Variants in TMEM132C observed in about 807,000 individuals in gnomAD.
TMEM132C encodes the protein transmembrane protein 132C.
In TMEM132C, 29 loss-of-function variants were observed where a neutral mutation model predicts 61.4. The observed-to-expected ratio is 0.47, with a 90% CI of 0.35 to 0.64. The LOEUF (loss-of-function observed/expected upper bound fraction) is 0.64. Among genes scored for constraint, TMEM132C ranks in the 30% least tolerant of loss-of-function variants. The pLI is 0.00. For missense variants in TMEM132C, 1,408 were observed against 1,476.9 expected (o/e 0.95, Z 0.76); for synonymous variants, 656 against 633.1 (o/e 1.04, Z -0.54).
intron 5 of TMEM132C, among the ~76,000 whole-genome samples, chr12:128,685,404 T>A: frequency 6.6e-6 from 1 of 152,264 alleles, no homozygotes; most frequent in Middle Eastern, 3.4e-3. Flanking sequence ...CAGCCTAAGG[T>A]GTGAGCTCTG....
chr12:128,299,698 A>G (rs1193368), intron 1 of TMEM132C, among the ~76,000 whole-genome samples: 137,508 of 152,042 alleles, frequency 0.9, 63,147 homozygotes, highest in South Asian at 0.98. Context: ...GCAAGGGTGT[A>G]TAGCTTGGTC....
chr12:128,389,722 A>G (rs1186269319), intron 1 of TMEM132C, among the ~76,000 whole-genome samples: 1 of 152,176 alleles, frequency 6.6e-6, no homozygotes, highest in Non-Finnish European at 1.5e-5. Flanking sequence ...ATGCTGGTCT[A>G]TGTGGCCAAA....
intron 1 of TMEM132C, among the ~76,000 whole-genome samples, chr12:128,395,350 G>A (rs1226274339): frequency 2.0e-5 from 3 of 152,048 alleles, no homozygotes; most frequent in African/African-American, 7.2e-5. Flanking sequence ...GTGTAATAAT[G>A]GTAACTATCT....
In TMEM132C at chr12:128,592,892, G is replaced by A. The variant is rs555943242; in HGVS notation, c.1122-23260G>A. On this transcript the variant is annotated intron_variant, in intron 3 of 8. Transcript: ENST00000435159. ...GCTGCCTTTGGGATCCTAGGGCCAC[G>A]TTTCCCTCTGTAGCCAGCCTGGCTC... Among the ~76,000 whole-genome samples, 160 of 152,344 alleles carry A rather than the reference G, an allele frequency of 1.1e-3. 1 individual carries two copies. Among genetic ancestry groups the A allele is most frequent in the African/African-American group, 3.7e-3 (152 of 41,586 alleles).
chr12:128,347,440 C>CTCTCTCTCTCTCT (rs1873204352), intron 1 of TMEM132C, among the ~76,000 whole-genome samples: 1 of 97,372 alleles, frequency 1.0e-5, no homozygotes, highest in African/African-American at 5.8e-5. Flanking sequence ...TCTCTCTCTC[C>CTCTCTCTCTCTCT]TTCTTTCTGA....
chr12:128,551,218 C>CT (rs1565971843), intron 3 of TMEM132C, among the ~76,000 whole-genome samples: 2 of 142,754 alleles, frequency 1.4e-5, no homozygotes, highest in African/African-American at 3.0e-5. Context: ...AGCCCCCCCC[C>CT]TCCCGCTTCC....
intron 1 of TMEM132C, among the ~76,000 whole-genome samples, chr12:128,351,135 C>G (rs114133339): frequency 6.6e-6 from 1 of 152,230 alleles, no homozygotes; most frequent in African/African-American, 2.4e-5. Flanking sequence ...GACCCTAAGC[C>G]GTTTTCATAC....
intron 1 of TMEM132C, chr12:128,404,739 A>G (rs113498231): frequency 1.3e-5 from 2 of 148,750 alleles, no homozygotes; most frequent in African/African-American, 5.0e-5. Flanking sequence ...TTGCGATGAA[A>G]GCAGTGCATC....
chr12:128,311,029 AT>A lies in TMEM132C; in HGVS notation c.85+43543del, dbSNP rs1398903691. The stretch of plus-strand genomic sequence containing the variant: ...TATCTATCATCTATCAATATAAAAA[AT>A]AAATGAAAAAATTAAAAATACAAAT... On this transcript the variant is annotated intron_variant, in intron 1 of 8. Transcript: ENST00000435159. 3.3e-5 allele frequency among the ~76,000 whole-genome samples: 5 copies of A among 152,210 alleles called. No homozygotes were observed. In the East Asian group the frequency reaches 9.6e-4, roughly 29 times the overall value.
intron 1 of TMEM132C, among the ~76,000 whole-genome samples, chr12:128,411,545 G>A (rs1316826168): frequency 6.6e-6 from 1 of 152,096 alleles, no homozygotes; most frequent in Non-Finnish European, 1.5e-5. Context: ...GACATATTCT[G>A]ATCATTCTAA....
intron 1 of TMEM132C, among the ~76,000 whole-genome samples, chr12:128,375,241 G>A (rs914988815): frequency 2.6e-5 from 4 of 152,076 alleles, no homozygotes; most frequent in African/African-American, 4.8e-5. Context: ...CGGGGTGGGC[G>A]GGAGCTGTTG....
intron 2 of TMEM132C, among the ~76,000 whole-genome samples, chr12:128,435,898 T>C (rs1029197534): frequency 6.6e-6 from 1 of 152,122 alleles, no homozygotes. Context: ...CTTCAAACTA[T>C]ACTACAAGGC....
At chr12:128,285,766 T>C (rs61939386) in intron 1 of TMEM132C, among the ~76,000 whole-genome samples, 1 of 70,850 alleles carries the variant, frequency 1.4e-5, no homozygotes, top group Non-Finnish European at 2.6e-5. Flanking sequence ...TCCCTTTCTC[T>C]CTTTCTCTCT....
At chr12:128,403,527 A>G (rs916526176) in intron 1 of TMEM132C, among the ~76,000 whole-genome samples, 2 of 152,136 alleles carry the variant, frequency 1.3e-5, no homozygotes, top group Non-Finnish European at 2.9e-5. Flanking sequence ...AAAGCTTGTT[A>G]CTATAACTGA....
At chr12:128,469,676 G>A (rs75439419) in intron 2 of TMEM132C, among the ~76,000 whole-genome samples, 2,380 of 136,294 alleles carry the variant, frequency 0.017, 66 homozygotes, top group African/African-American at 0.079. Context: ...ATATATATAT[G>A]TGCATTTATG....
intron 2 of TMEM132C, among the ~76,000 whole-genome samples, chr12:128,540,652 C>T: frequency 6.6e-6 from 1 of 152,202 alleles, no homozygotes; most frequent in East Asian, 1.9e-4. Flanking sequence ...TTCAGTCTTT[C>T]TGCGTGGACA....
chr12:128,334,470 T>C (rs1454054684), intron 1 of TMEM132C, among the ~76,000 whole-genome samples: 2 of 152,246 alleles, frequency 1.3e-5, no homozygotes, highest in Non-Finnish European at 2.9e-5. Context: ...CAACCCTCTT[T>C]AGAAGACGTT....
chr12:128,539,013 C>A (rs1370631316), intron 2 of TMEM132C, among the ~76,000 whole-genome samples: 1 of 152,090 alleles, frequency 6.6e-6, no homozygotes, highest in Non-Finnish European at 1.5e-5. Context: ...GTATATTTAG[C>A]TCATATTTAT....
At chr12:128,430,373 A>C (rs1489509536) in intron 2 of TMEM132C, among the ~76,000 whole-genome samples, 1 of 152,220 alleles carries the variant, frequency 6.6e-6, no homozygotes. Flanking sequence ...CCCTGAGCAG[A>C]CAAAACCAGT....
Sources: allele counts gnomAD v4.1 joint callset (sites outside exome capture counted in the v4.1 genomes callset), GRCh38; gene constraint gnomAD v4.1.1; transcripts MANE v1.5; gene names NCBI Gene and HGNC (gene_info 2026-07-23, HGNC 2026-07-21).